The following IMPG2 variants were observed in gnomAD, a reference collection of about 807,000 sequenced individuals.
IMPG2 encodes IPM 200.
In IMPG2, 91 loss-of-function variants were observed where a neutral mutation model predicts 129.2. The observed-to-expected ratio is 0.70, with a 90% CI of 0.59 to 0.84. IMPG2 has a LOEUF of 0.84. Ranked by LOEUF, IMPG2 falls within the 40% of genes least tolerant of loss-of-function variation. The pLI is 0.00. For synonymous variants in IMPG2, 510 were observed against 517.7 expected (o/e 0.99, Z 0.20); for missense variants, 1,430 against 1,461.7 (o/e 0.98, Z 0.35).
At position 101,231,130 on chromosome 3, in the gene IMPG2, C is replaced by T. The variant is rs200847823; in HGVS notation, c.3249G>A (p.Glu1083=). The part of the protein sequence containing the change: ...HGAICRCRVG[E]NWWYRGKHCE... ...AGTGCTTGCCTCGGTACCACCAGTTCTCACCCACCCGGCACCTGCAACCAA... is the reference window on the plus strand; with the variant it reads ...AGTGCTTGCCTCGGTACCACCAGTTTTCACCCACCCGGCACCTGCAACCAA... The change falls in exon 16 of 19, where the codon GAG becomes GAA. Residue 1083 remains glutamate, a synonymous_variant. Transcript: ENST00000193391. 1.3e-5 allele frequency: 21 copies of T among 1,613,964 alleles called. No homozygotes were observed. The highest frequency in any genetic ancestry group is 3.3e-5 in the Admixed American group (2 of 60,002).
chr3:101,250,781 G>A (rs559413183), intron 11 of IMPG2, among the ~76,000 whole-genome samples: 2 of 152,274 alleles, frequency 1.3e-5, no homozygotes, highest in South Asian at 4.1e-4. Context: ...AACACAGATA[G>A]GGAGTGTGGG....
chr3:101,243,523 G>C lies in IMPG2; in HGVS notation c.2802+6C>G. 1 of 1,612,964 alleles carries C rather than the reference G, an allele frequency of 6.2e-7. No homozygotes were observed. Among genetic ancestry groups the C allele is most frequent in the Non-Finnish European group, 8.5e-7 (1 of 1,179,286 alleles). On this transcript the variant is annotated splice_donor_region_variant and intron_variant, in intron 13 of 18. Coordinates refer to ENST00000193391, the MANE Select transcript of IMPG2 (RefSeq NM_016247.4). ...CTAGTGCCCATGTTTCACTTTTTAT[G>C]CTTACCAATTCTAAGAATCTTTGCT...
intron 4 of IMPG2, among the ~76,000 whole-genome samples, chr3:101,277,516 G>A (rs1261862369): frequency 6.6e-6 from 1 of 152,158 alleles, no homozygotes; most frequent in East Asian, 1.9e-4. Flanking sequence ...AGAAAGTAGT[G>A]GCTGCTAGAA....
intron 3 of IMPG2, among the ~76,000 whole-genome samples, chr3:101,300,041 C>T (rs1375373747): frequency 6.6e-6 from 1 of 152,190 alleles, no homozygotes; most frequent in Non-Finnish European, 1.5e-5. Context: ...TGTGGCCACC[C>T]CTCCCTCTAG....
Position 101,228,797 on chromosome 3 carries a change from A to G in IMPG2, c.3713T>C (p.Val1238Ala). 1 of 1,613,142 alleles carries G rather than the reference A, an allele frequency of 6.2e-7. No homozygotes were observed. Among genetic ancestry groups the G allele is most frequent in the South Asian group, 1.1e-5 (1 of 91,054 alleles). The change falls in exon 18 of 19, where the codon GTG becomes GCG. Residue 1238 changes from valine (V) to alanine (A), a missense_variant and splice_region_variant. Val to Ala is a moderately conservative substitution (Grantham distance 64). Transcript: ENST00000193391. ...EFAAFVREQQ[V>A]EEV The stretch of plus-strand genomic sequence containing the variant: ...GTGGGGGGCTGTTTCAAAAGCTTAC[A>G]CTTGTTGCTCTCTCACAAAAGCTGC...
chr3:101,245,555 C>A (rs1706466951), intron 12 of IMPG2, among the ~76,000 whole-genome samples: 1 of 152,046 alleles, frequency 6.6e-6, no homozygotes, highest in African/African-American at 2.4e-5. Flanking sequence ...TTCAATATGA[C>A]CTTCAAAATG....
At chr3:101,309,295 TG>T (rs1200171179) in intron 2 of IMPG2, among the ~76,000 whole-genome samples, 1 of 152,190 alleles carries the variant, frequency 6.6e-6, no homozygotes, top group Non-Finnish European at 1.5e-5. Flanking sequence ...ACCAATTTGC[TG>T]TATTAGTCCA....
Position 101,232,860 on chromosome 3 carries a change from T to C in IMPG2, c.3154A>G (p.Ser1052Gly), listed in dbSNP as rs1690521926. 6.2e-7 allele frequency: 1 copy of C among 1,613,664 alleles called. No homozygotes were observed. The highest frequency in any genetic ancestry group is 1.3e-5 in the African/African-American group (1 of 74,796). ...AAGTCAGGCTGTAGGTCACAGAGAC[T>C]CTGACAGGGCCGTTCTTCCACACTC... ...YLSVEERPCQ[S>G]LCDLQPDFCL... Residue 1052 changes from serine to glycine, a missense_variant, in exon 15 of 19, where the codon AGT becomes GGT. Ser to Gly is a moderately conservative substitution (Grantham distance 56). Coordinates refer to ENST00000193391, the MANE Select transcript of IMPG2 (RefSeq NM_016247.4).
intron 15 of IMPG2, among the ~76,000 whole-genome samples, chr3:101,231,683 A>G (rs903127907): frequency 6.6e-6 from 1 of 152,200 alleles, no homozygotes; most frequent in Admixed American, 6.5e-5. Context: ...AGTCTGGATT[A>G]TTTCTACTTA....
chr3:101,254,006 C>CCATTATCATTATCA (rs1253469341), intron 10 of IMPG2, among the ~76,000 whole-genome samples: 1 of 152,080 alleles, frequency 6.6e-6, no homozygotes, highest in Admixed American at 6.6e-5. Flanking sequence ...AAGATTCTTC[C>CCATTATCATTATCA]CATTATCACA....
At chr3:101,285,297 G>A (rs1027987204) in intron 4 of IMPG2, among the ~76,000 whole-genome samples, 16 of 152,056 alleles carry the variant, frequency 1.1e-4, no homozygotes, top group Non-Finnish European at 2.1e-4. Context: ...ATAATGCTGC[G>A]CTAGGCCACA....
intron 4 of IMPG2, among the ~76,000 whole-genome samples, chr3:101,277,907 T>C (rs924348431): frequency 1.3e-5 from 2 of 152,210 alleles, no homozygotes; most frequent in Admixed American, 1.3e-4. Flanking sequence ...ATTGGATCAG[T>C]GGTGATTGTC....
intron 6 of IMPG2, among the ~76,000 whole-genome samples, chr3:101,274,666 G>A (rs503669): frequency 0.86 from 130,654 of 152,204 alleles, 56,983 homozygotes; most frequent in East Asian, 1. Flanking sequence ...GGATATTAAC[G>A]TTCCAATTGA....
Position 101,229,574 on chromosome 3 carries a change from G to T in IMPG2, c.3439C>A (p.Pro1147Thr). ...ESPFSGSSRQ[P>T]DSLSSIENAV... ...TTCTCAATAGATGAGAGGCTGTCAG[G>T]CTGCCTGCTGGAGCCACTAAAAGAA... is the stretch of plus-strand genomic sequence containing the variant. Residue 1147 changes from proline (P) to threonine (T), a missense_variant, in exon 17 of 19, where the codon CCT becomes ACT. By Grantham distance (38) the Pro-to-Thr change is conservative. Coordinates refer to ENST00000193391, the MANE Select transcript of IMPG2 (RefSeq NM_016247.4). 1.9e-6 allele frequency: 3 copies of T among 1,613,860 alleles called. No homozygotes were observed. The highest frequency in any genetic ancestry group is 1.1e-5 in the South Asian group (1 of 91,076).
At chr3:101,276,611 C>T (rs1706842594) in intron 5 of IMPG2, 53 bp downstream of exon 5, 1 of 1,256,032 alleles carries the variant, frequency 8.0e-7, no homozygotes, top group Non-Finnish European at 1.2e-6. Context: ...GTGAGCCTGT[C>T]TTAAACCATA....
At chr3:101,315,304 A>G (rs1046806767) in intron 2 of IMPG2, among the ~76,000 whole-genome samples, 1 of 152,174 alleles carries the variant, frequency 6.6e-6, no homozygotes, top group Non-Finnish European at 1.5e-5. Flanking sequence ...TACTAACAGT[A>G]TAGCATATTT....
At chr3:101,257,296 C>T (rs1706621128) in intron 10 of IMPG2, among the ~76,000 whole-genome samples, 1 of 152,102 alleles carries the variant, frequency 6.6e-6, no homozygotes, top group Admixed American at 6.6e-5. Flanking sequence ...TAAACTACTT[C>T]TAACTGCCAC....
intron 9 of IMPG2, among the ~76,000 whole-genome samples, chr3:101,261,914 A>C (rs1706675251): frequency 6.6e-6 from 1 of 152,126 alleles, no homozygotes; most frequent in Admixed American, 6.6e-5. Flanking sequence ...TTAACTAACC[A>C]CCACTGGATC....
At chr3:101,261,355 A>C (rs1706667876) in intron 9 of IMPG2, among the ~76,000 whole-genome samples, 1 of 152,168 alleles carries the variant, frequency 6.6e-6, no homozygotes, top group Non-Finnish European at 1.5e-5. Context: ...AAAATCAGAC[A>C]AGGAGAGTCA....
Sources: gnomAD v4.1 joint callset for allele counts (sites outside exome capture counted in the v4.1 genomes callset) on GRCh38, gnomAD v4.1.1 for gene constraint, MANE v1.5 for transcripts, NCBI Gene and HGNC (gene_info 2026-07-23, HGNC 2026-07-21) for gene names.